Variants in GRID1 observed in about 807,000 individuals in gnomAD.
GRID1 encodes glutamate ionotropic receptor delta type subunit 1, also known as glutamate receptor ionotropic, delta-1.
GRID1 carries 28 observed loss-of-function variants against 98.0 expected under a neutral mutation model. The observed-to-expected ratio is 0.29, with a 90% CI of 0.21 to 0.39. The LOEUF is 0.39. Ranked by LOEUF, GRID1 falls within the 10% of genes least tolerant of loss-of-function variation. GRID1 has a pLI of 1.00. For synonymous variants in GRID1, 553 were observed against 538.5 expected, an observed-to-expected ratio of 1.03 and a Z score of -0.37; for missense variants, 1,111 against 1,340.5, an observed-to-expected ratio of 0.83 and a Z score of 2.67.
At chr10:86,057,467 C>G (rs1007853006) in intron 4 of GRID1, among the ~76,000 whole-genome samples, 6 of 152,170 alleles carry the variant, frequency 3.9e-5, no homozygotes, top group Admixed American at 3.9e-4. Context: ...AGCCATGGCT[C>G]TTCTCTGTTC....
intron 8 of GRID1, among the ~76,000 whole-genome samples, chr10:85,738,340 C>T (rs933999727): frequency 1.3e-5 from 2 of 152,166 alleles, no homozygotes; most frequent in Admixed American, 6.5e-5. Flanking sequence ...CAAGGCAGTA[C>T]ACTAAACCTC....
chr10:86,047,835 C>T (rs1020162829), intron 4 of GRID1, among the ~76,000 whole-genome samples: 4 of 152,056 alleles, frequency 2.6e-5, no homozygotes, highest in Admixed American at 1.3e-4. Context: ...CTAGGGAGCT[C>T]GCTGTAATAT....
intron 6 of GRID1, among the ~76,000 whole-genome samples, chr10:85,856,999 G>A (rs1843116479): frequency 6.6e-6 from 1 of 152,160 alleles, no homozygotes; most frequent in South Asian, 2.1e-4. Flanking sequence ...TCAGTGTACA[G>A]GAAGCTGGAG....
intron 4 of GRID1, among the ~76,000 whole-genome samples, chr10:85,960,648 C>G (rs1029201826): frequency 6.6e-6 from 1 of 152,218 alleles, no homozygotes; most frequent in Non-Finnish European, 1.5e-5. Context: ...ATGTCTCTCC[C>G]CTTGACCCCA....
At chr10:85,829,790 G>T (rs1435087800) in intron 8 of GRID1, among the ~76,000 whole-genome samples, 1 of 152,024 alleles carries the variant, frequency 6.6e-6, no homozygotes, top group Non-Finnish European at 1.5e-5. Context: ...ACAACCCAAA[G>T]AAATCCAAGA....
intron 3 of GRID1, among the ~76,000 whole-genome samples, chr10:86,177,296 G>A (rs531914563): frequency 6.6e-5 from 10 of 152,238 alleles, no homozygotes; most frequent in Non-Finnish European, 1.0e-4. Context: ...CTCCAATTAC[G>A]GCTGCTTCTG....
At chr10:86,234,442 T>C (rs1846504108) in intron 2 of GRID1, among the ~76,000 whole-genome samples, 1 of 152,078 alleles carries the variant, frequency 6.6e-6, no homozygotes, top group Non-Finnish European at 1.5e-5. Flanking sequence ...CACGGAAGGG[T>C]CTGCACCTCT....
intron 12 of GRID1, among the ~76,000 whole-genome samples, chr10:85,711,883 G>C (rs1284474857): frequency 6.6e-6 from 1 of 151,684 alleles, no homozygotes; most frequent in African/African-American, 2.4e-5. Context: ...AACTATATAA[G>C]AGCATAACTT....
intron 12 of GRID1, among the ~76,000 whole-genome samples, chr10:85,709,619 C>T (rs554132301): frequency 4.3e-4 from 66 of 152,268 alleles, no homozygotes; most frequent in Middle Eastern, 3.4e-3. Flanking sequence ...CACTCACCTA[C>T]GCTGTCTCTC....
At chr10:86,288,336 C>G (rs78830289) in intron 2 of GRID1, among the ~76,000 whole-genome samples, 2 of 152,184 alleles carry the variant, frequency 1.3e-5, no homozygotes, top group Non-Finnish European at 2.9e-5. Flanking sequence ...TCTCCAGTCT[C>G]CAGAGACAAT....
intron 2 of GRID1, among the ~76,000 whole-genome samples, chr10:86,281,901 A>G (rs1306642310): frequency 6.6e-6 from 1 of 152,132 alleles, no homozygotes; most frequent in African/African-American, 2.4e-5. Context: ...ATGGGGGTAG[A>G]GCACTGCTCA....
intron 8 of GRID1, among the ~76,000 whole-genome samples, chr10:85,779,180 C>T (rs1374995136): frequency 5.3e-5 from 8 of 152,180 alleles, no homozygotes; most frequent in Non-Finnish European, 7.3e-5. Flanking sequence ...AAATGTAGCT[C>T]GGAAGCCCCG....
At chr10:85,952,566 A>AT (rs1403574813) in intron 4 of GRID1, among the ~76,000 whole-genome samples, 1 of 151,892 alleles carries the variant, frequency 6.6e-6, no homozygotes, top group African/African-American at 2.4e-5. Flanking sequence ...TTTTAAGGAG[A>AT]TTTTTTGTGT....
intron 2 of GRID1, among the ~76,000 whole-genome samples, chr10:86,285,064 G>A (rs1387959662): frequency 6.6e-6 from 1 of 152,136 alleles, no homozygotes; most frequent in Admixed American, 6.5e-5. Flanking sequence ...CAGTCAAGAA[G>A]AGGAGAGGAG....
rs538373504 is a variant in GRID1 at position 85,685,736 on chromosome 10, T to A, written c.1997+37267A>T. On this transcript the variant is annotated intron_variant, in intron 12 of 15. Coordinates refer to ENST00000327946, the MANE Select transcript of GRID1 (RefSeq NM_017551.3). Reference sequence around the variant, plus strand: ...GAGAGAAATAGTAATTCTAGAAACATGCCTACATACTTTATTTATGACAAA... The same window carrying A: ...GAGAGAAATAGTAATTCTAGAAACAAGCCTACATACTTTATTTATGACAAA... 6.6e-5 allele frequency among the ~76,000 whole-genome samples: 10 copies of A among 152,256 alleles called. No individual in the cohort carries two copies. The South Asian group carries it at 2.1e-3, about 32-fold the overall frequency.
At chr10:86,063,046 C>T (rs961337811) in intron 4 of GRID1, among the ~76,000 whole-genome samples, 2 of 152,246 alleles carry the variant, frequency 1.3e-5, no homozygotes, top group Admixed American at 6.5e-5. Flanking sequence ...TCACAAGCCC[C>T]AGCCCAGGAA....
chr10:85,637,948 G>A (rs117041664), intron 13 of GRID1, among the ~76,000 whole-genome samples: 2,735 of 152,250 alleles, frequency 0.018, 33 homozygotes, highest in Middle Eastern at 0.048. Context: ...TTTGAACTAG[G>A]TGATAATGAA....
At chr10:85,713,279 T>C (rs1841601839) in intron 12 of GRID1, among the ~76,000 whole-genome samples, 1 of 151,798 alleles carries the variant, frequency 6.6e-6, no homozygotes, top group South Asian at 2.1e-4. Context: ...TAAACAATTT[T>C]TCAACAGCAA....
intron 8 of GRID1, among the ~76,000 whole-genome samples, chr10:85,794,842 G>A (rs1327290641): frequency 6.6e-6 from 1 of 152,188 alleles, no homozygotes; most frequent in African/African-American, 2.4e-5. Context: ...TGATGTAGAA[G>A]TGTGAAGCTG....
Sources: gnomAD v4.1 joint callset for allele counts (sites outside exome capture counted in the v4.1 genomes callset) on GRCh38, gnomAD v4.1.1 for gene constraint, MANE v1.5 for transcripts, NCBI Gene and HGNC (gene_info 2026-07-23, HGNC 2026-07-21) for gene names.